Variants in PLEKHG1 observed in about 807,000 individuals in gnomAD.
The protein encoded by PLEKHG1 is pleckstrin homology domain-containing family G member 1.
In PLEKHG1, 44 loss-of-function variants were observed where a neutral mutation model predicts 100.8. The observed-to-expected ratio is 0.44, with a 90% CI of 0.34 to 0.56. The LOEUF (loss-of-function observed/expected upper bound fraction) is 0.56. Ranked by LOEUF, PLEKHG1 falls within the 20% of genes least tolerant of loss-of-function variation. The pLI is 0.01. For synonymous variants in PLEKHG1, 640 were observed against 662.5 expected (o/e 0.97, Z 0.52); for missense variants, 1,545 against 1,720.9 (o/e 0.90, Z 1.81).
At chr6:150,742,939 T>C (rs998333883) in intron 2 of PLEKHG1, among the ~76,000 whole-genome samples, 1 of 152,030 alleles carries the variant, frequency 6.6e-6, no homozygotes, top group Non-Finnish European at 1.5e-5. Context: ...GCCATCCCAG[T>C]CAACTAGACG....
At chr6:150,644,566 G>A (rs992236723) in intron 2 of PLEKHG1, among the ~76,000 whole-genome samples, 3 of 151,956 alleles carry the variant, frequency 2.0e-5, no homozygotes, top group Non-Finnish European at 4.4e-5. Context: ...TCCTGACCTT[G>A]TGATCCACCT....
intron 2 of PLEKHG1, among the ~76,000 whole-genome samples, chr6:150,761,213 C>T (rs1211863049): frequency 7.0e-6 from 1 of 142,674 alleles, no homozygotes; most frequent in African/African-American, 2.6e-5. Context: ...TCAAGCGATT[C>T]TCCTGCCTCG....
chr6:150,648,661 CT>C lies in PLEKHG1; in HGVS notation c.-157-2065del, dbSNP rs1243042568. Among the ~76,000 whole-genome samples the C allele has an allele frequency of 2.6e-5, 4 of 151,980 alleles. No individual in the cohort carries two copies. The East Asian group carries it at 7.7e-4, about 29-fold the overall frequency. On this transcript the variant is annotated intron_variant, in intron 2 of 3. Transcript: ENST00000367326. Reference sequence around the variant, plus strand: ...GCCTCTTCCTTTTCTCTCTTTGTACCTTATCAGATTTGTGCTGGCTTTATCA... The same window carrying C: ...GCCTCTTCCTTTTCTCTCTTTGTACCTATCAGATTTGTGCTGGCTTTATCA...
intron 2 of PLEKHG1, among the ~76,000 whole-genome samples, chr6:150,761,628 T>C (rs563891359): frequency 6.6e-6 from 1 of 152,114 alleles, no homozygotes; most frequent in Admixed American, 6.5e-5. Flanking sequence ...TTGTCAGAAG[T>C]GTAGGAAAAG....
intron 2 of PLEKHG1, among the ~76,000 whole-genome samples, chr6:150,737,283 T>A (rs1562475745): frequency 3.5e-5 from 1 of 28,754 alleles, no homozygotes; most frequent in African/African-American, 8.9e-5. Flanking sequence ...ATATGGGTAT[T>A]TTTTTTTTTT....
In PLEKHG1 at chr6:150,702,557, G is replaced by GGTGTGTGTGTGTGTGTGTGTGTGT. The variant is rs56768740; in HGVS notation, c.-98-31016_-98-30993dup. 1.1e-3 allele frequency among the ~76,000 whole-genome samples: 162 copies of GGTGTGTGTGTGTGTGTGTGTGTGT among 142,904 alleles called. 3 individuals carry two copies. The highest frequency in any genetic ancestry group is 3.9e-3 in the African/African-American group (147 of 37,638). 93.8% of individuals were successfully genotyped at this position (142,904 alleles called of 152,430 possible). On this transcript the variant is annotated intron_variant, in intron 3 of 3. Coordinates refer to the PLEKHG1 transcript ENST00000367326. ...AGCAGTACTTCTCATTTTGTTTTGGGGTGTGTGTGTGTGTGTGTGTGTGTG... is the reference window on the plus strand; with the variant it reads ...AGCAGTACTTCTCATTTTGTTTTGGGGTGTGTGTGTGTGTGTGTGTGTGTGTGTGTGTGTGTGTGTGTGTGTGTG...
At chr6:150,787,959 A>T (rs1562519225) in intron 4 of PLEKHG1, among the ~76,000 whole-genome samples, 1 of 152,232 alleles carries the variant, frequency 6.6e-6, no homozygotes, top group Non-Finnish European at 1.5e-5. Context: ...AATGGCTAAA[A>T]AGATATGCTG....
chr6:150,677,040 G>A (rs996629381), intron 3 of PLEKHG1, among the ~76,000 whole-genome samples: 2 of 151,360 alleles, frequency 1.3e-5, no homozygotes, highest in African/African-American at 4.9e-5. Flanking sequence ...TTCTCCCTGC[G>A]CTGCCTTTAT....
intron 2 of PLEKHG1, among the ~76,000 whole-genome samples, chr6:150,641,285 C>T (rs1162414945): frequency 2.0e-5 from 3 of 152,066 alleles, no homozygotes; most frequent in East Asian, 3.9e-4. Flanking sequence ...GATAGATTGA[C>T]GAAAACCCTG....
At chr6:150,744,537 T>C (rs1208496250) in intron 2 of PLEKHG1, among the ~76,000 whole-genome samples, 1 of 152,240 alleles carries the variant, frequency 6.6e-6, no homozygotes, top group African/African-American at 2.4e-5. Context: ...TTGTTGTGGA[T>C]GCTTTTCCAT....
chr6:150,732,870 G>C (rs574381017), intron 1 of PLEKHG1, among the ~76,000 whole-genome samples: 2 of 152,182 alleles, frequency 1.3e-5, no homozygotes, highest in Non-Finnish European at 2.9e-5. Context: ...TTACAGGCGT[G>C]AGCCACCACG....
At chr6:150,834,723 T>C (rs1344420868) in intron 15 of PLEKHG1, among the ~76,000 whole-genome samples, 2 of 152,186 alleles carry the variant, frequency 1.3e-5, no homozygotes, top group Non-Finnish European at 2.9e-5. Flanking sequence ...TTTTCTCAGC[T>C]TTGCGTCTGG....
intron 3 of PLEKHG1, among the ~76,000 whole-genome samples, chr6:150,714,159 T>A (rs1236146611): frequency 6.6e-6 from 1 of 152,236 alleles, no homozygotes; most frequent in Non-Finnish European, 1.5e-5. Context: ...GGATAATTAG[T>A]TCATTGTGCT....
chr6:150,652,644 C>G (rs1208062655), intron 3 of PLEKHG1, among the ~76,000 whole-genome samples: 2 of 150,364 alleles, frequency 1.3e-5, no homozygotes, highest in Non-Finnish European at 3.0e-5. Context: ...CCCTTGAACC[C>G]GGGAGGCAGA....
intron 3 of PLEKHG1, among the ~76,000 whole-genome samples, chr6:150,675,975 GA>G (rs1779746064): frequency 6.6e-6 from 1 of 151,840 alleles, no homozygotes; most frequent in African/African-American, 2.4e-5. Flanking sequence ...TAATTCAAAA[GA>G]AAAAAATTCA....
At chr6:150,723,880 T>C (rs6937891) in intron 1 of PLEKHG1, among the ~76,000 whole-genome samples, 30,364 of 152,126 alleles carry the variant, frequency 0.2, 4,363 homozygotes, top group African/African-American at 0.4. Flanking sequence ...CATAAAATTG[T>C]ACTCAGACAT....
chr6:150,773,097 A>G lies in PLEKHG1; in HGVS notation c.512+4359A>G, dbSNP rs79752807. Among the ~76,000 whole-genome samples, 983 of 152,284 alleles carry G rather than the reference A, an allele frequency of 6.5e-3. 15 individuals carry two copies. Among genetic ancestry groups the G allele is most frequent in the African/African-American group, 0.023 (942 of 41,576 alleles). ...TAAAAAGTCCTTTCAATCTCAGGTC[A>G]TAAATATACTCTATTTTTTTCTAAA... is the stretch of plus-strand genomic sequence containing the variant. On this transcript the variant is annotated intron_variant, in intron 3 of 15. Transcript: ENST00000358517.
chr6:150,768,697 A>G (rs759409118), exon 3 of PLEKHG1: 4 of 1,612,316 alleles, frequency 2.5e-6, no homozygotes, highest in Non-Finnish European at 3.4e-6. Flanking sequence ...AAGAAAGATC[A>G]GCCCTTTTTG....
At chr6:150,691,629 G>A (rs1229280235) in intron 3 of PLEKHG1, among the ~76,000 whole-genome samples, 1 of 152,130 alleles carries the variant, frequency 6.6e-6, no homozygotes. Context: ...TCATCTCTGA[G>A]CAATTTTTAA....
Sources: allele counts gnomAD v4.1 joint callset (sites outside exome capture counted in the v4.1 genomes callset), GRCh38; gene constraint gnomAD v4.1.1; transcripts MANE v1.5; gene names NCBI Gene and HGNC (gene_info 2026-07-23, HGNC 2026-07-21).